Variants in PXDNL observed in about 807,000 individuals in gnomAD.
PXDNL encodes probable oxidoreductase PXDNL.
PXDNL carries 145 observed loss-of-function variants against 150.8 expected under a neutral mutation model. The ratio of observed to expected loss-of-function variants is 0.96; its 90% CI spans 0.84 to 1.10. The LOEUF is 1.10. Ranked by LOEUF, PXDNL falls within the 50% of genes least tolerant of loss-of-function variation. The pLI is 0.00. For synonymous variants in PXDNL, 757 were observed against 725.7 expected (o/e 1.04, Z -0.69); for missense variants, 2,087 against 1,873.9 (o/e 1.11, Z -2.10).
intron 4 of PXDNL, among the ~76,000 whole-genome samples, chr8:51,555,439 A>G (rs1367375752): frequency 6.6e-6 from 1 of 152,250 alleles, no homozygotes; most frequent in East Asian, 1.9e-4. Flanking sequence ...GTCATGTAAA[A>G]GGAAATTAAT....
In PXDNL at chr8:51,422,389, G is replaced by A. The variant is rs183808356; in HGVS notation, c.1795+1186C>T. On this transcript the variant is annotated intron_variant, in intron 14 of 22. Transcript: ENST00000356297. ...AAAAAGGTTGGGGACCACTGACCTA[G>A]GCAAAATAAATGCTCAGAAGTTTGA... is the stretch of plus-strand genomic sequence containing the variant. Among the ~76,000 whole-genome samples the A allele has an allele frequency of 1.2e-3, 182 of 152,120 alleles. 1 individual carries two copies. Among genetic ancestry groups the A allele is most frequent in the Non-Finnish European group, 1.7e-3 (118 of 68,012 alleles).
intron 4 of PXDNL, among the ~76,000 whole-genome samples, chr8:51,506,920 ACT>A (rs1332165383): frequency 6.6e-6 from 1 of 151,452 alleles, no homozygotes; most frequent in Non-Finnish European, 1.5e-5. Flanking sequence ...ATCTCTGGAA[ACT>A]CTCCGATTTT....
intron 1 of PXDNL, among the ~76,000 whole-genome samples, chr8:51,693,949 A>G (rs890302917): frequency 2.0e-5 from 3 of 152,226 alleles, no homozygotes; most frequent in Admixed American, 1.3e-4. Flanking sequence ...ATCTTAATGA[A>G]GATGATAATA....
intron 1 of PXDNL, among the ~76,000 whole-genome samples, chr8:51,683,524 C>T (rs887253635): frequency 1.3e-5 from 2 of 151,902 alleles, no homozygotes; most frequent in Admixed American, 6.6e-5. Context: ...AAGAAGCAGA[C>T]ATAAAGTCTC....
intron 2 of PXDNL, among the ~76,000 whole-genome samples, chr8:51,600,918 T>TATAAATTATATAATTTATATA (rs1563479165): frequency 1.5e-5 from 2 of 137,400 alleles, no homozygotes; most frequent in East Asian, 2.0e-4. Context: ...TTACATCTTA[T>TATAAATTATATAATTTATATA]ATAAATTATA....
At chr8:51,638,936 A>G (rs1160943921) in intron 2 of PXDNL, among the ~76,000 whole-genome samples, 1 of 152,210 alleles carries the variant, frequency 6.6e-6, no homozygotes, top group Non-Finnish European at 1.5e-5. Context: ...TCCAAAATTG[A>G]ACACATAGTT....
intron 1 of PXDNL, among the ~76,000 whole-genome samples, chr8:51,739,559 T>G (rs1460296779): frequency 2.0e-5 from 3 of 152,108 alleles, no homozygotes; most frequent in Admixed American, 2.0e-4. Flanking sequence ...AACAGGTGAT[T>G]TCAGCAAGAT....
At chr8:51,341,484 G>A (rs1038790011) in intron 20 of PXDNL, among the ~76,000 whole-genome samples, 22 of 152,052 alleles carry the variant, frequency 1.4e-4, no homozygotes, top group African/African-American at 5.3e-4. Context: ...AATATGAGAT[G>A]TATCTTCTCA....
At chr8:51,541,428 AATGCT>A (rs1222012056) in intron 4 of PXDNL, among the ~76,000 whole-genome samples, 1 of 152,082 alleles carries the variant, frequency 6.6e-6, no homozygotes, top group East Asian at 1.9e-4. Flanking sequence ...GGCTCCATCC[AATGCT>A]ATGCAGCAAG....
intron 8 of PXDNL, among the ~76,000 whole-genome samples, chr8:51,461,445 G>C (rs1810081568): frequency 6.6e-6 from 1 of 152,228 alleles, no homozygotes; most frequent in Non-Finnish European, 1.5e-5. Flanking sequence ...GAGTAAGCTA[G>C]AGGGCAGCCA....
intron 12 of PXDNL, among the ~76,000 whole-genome samples, chr8:51,444,839 C>T (rs560623033): frequency 2.0e-5 from 3 of 152,210 alleles, no homozygotes; most frequent in South Asian, 2.1e-4. Flanking sequence ...TAGTAGCTCC[C>T]GTGGTTTCTG....
At chr8:51,509,819 T>C (rs1171382290) in intron 4 of PXDNL, among the ~76,000 whole-genome samples, 1 of 150,962 alleles carries the variant, frequency 6.6e-6, no homozygotes, top group Non-Finnish European at 1.5e-5. Flanking sequence ...CATATACGTG[T>C]GTGTGTGTAT....
At chr8:51,792,793 C>T (rs560072866) in intron 1 of PXDNL, among the ~76,000 whole-genome samples, 8 of 152,326 alleles carry the variant, frequency 5.3e-5, no homozygotes, top group African/African-American at 9.6e-5. Context: ...CTGGAGTTTC[C>T]GCAACTCCAG....
intron 1 of PXDNL, among the ~76,000 whole-genome samples, chr8:51,751,386 A>G (rs1309488603): frequency 6.6e-6 from 1 of 152,174 alleles, no homozygotes; most frequent in Non-Finnish European, 1.5e-5. Context: ...GTCCCTATCA[A>G]AGTATCTTTT....
chr8:51,481,751 G>A (rs771516060), intron 6 of PXDNL, among the ~76,000 whole-genome samples: 87 of 152,246 alleles, frequency 5.7e-4, no homozygotes, highest in Admixed American at 1.2e-3. Context: ...TTGCTTCAGA[G>A]GGTGCAAGTC....
At chr8:51,548,854 C>T (rs1261787955) in intron 4 of PXDNL, among the ~76,000 whole-genome samples, 1 of 151,922 alleles carries the variant, frequency 6.6e-6, no homozygotes, top group Non-Finnish European at 1.5e-5. Context: ...ATGTAAATGG[C>T]CTAAAGGATC....
intron 17 of PXDNL, among the ~76,000 whole-genome samples, chr8:51,396,956 T>C (rs541686625): frequency 3.9e-5 from 6 of 152,216 alleles, no homozygotes; most frequent in Admixed American, 6.5e-5. Flanking sequence ...GTAAACTTAT[T>C]TGCTATACTT....
intron 19 of PXDNL, among the ~76,000 whole-genome samples, chr8:51,362,553 G>A (rs550584617): frequency 6.6e-6 from 1 of 152,092 alleles, no homozygotes; most frequent in Non-Finnish European, 1.5e-5. Context: ...AGACTATCTT[G>A]TCTTAACTGA....
intron 17 of PXDNL, among the ~76,000 whole-genome samples, chr8:51,390,055 G>GC (rs374763422): frequency 0.015 from 2,252 of 150,982 alleles, 31 homozygotes; most frequent in African/African-American, 0.032. Flanking sequence ...TGGAAGCCAT[G>GC]CCCCCCCCAC....
Sources: allele counts gnomAD v4.1 joint callset (sites outside exome capture counted in the v4.1 genomes callset), GRCh38; gene constraint gnomAD v4.1.1; transcripts MANE v1.5; gene names NCBI Gene and HGNC (gene_info 2026-07-23, HGNC 2026-07-21).